The following ERBB4 variants were observed in gnomAD, a reference collection of about 807,000 sequenced individuals.
ERBB4 encodes the protein erb-b2 receptor tyrosine kinase 4, also known as receptor tyrosine-protein kinase erbB-4.
A neutral mutation model predicts 158.0 loss-of-function variants in ERBB4; 42 were observed. The observed-to-expected ratio is 0.27, with a 90% CI of 0.21 to 0.34. ERBB4 has a LOEUF of 0.34. ERBB4 is among the 10% of genes least tolerant of loss of function. ERBB4 has a pLI of 1.00. For synonymous variants in ERBB4, 583 were observed against 558.7 expected, an observed-to-expected ratio of 1.04 and a Z score of -0.61; for missense variants, 1,333 against 1,624.1, an observed-to-expected ratio of 0.82 and a Z score of 3.08.
At chr2:211,398,807 G>A (rs894526456) in intron 25 of ERBB4, among the ~76,000 whole-genome samples, 9 of 152,176 alleles carry the variant, frequency 5.9e-5, no homozygotes, top group African/African-American at 2.2e-4. Flanking sequence ...CTCCAGCCTG[G>A]GCGACAGAGT....
At chr2:211,839,494 A>G (rs535398361) in intron 3 of ERBB4, among the ~76,000 whole-genome samples, 2 of 152,122 alleles carry the variant, frequency 1.3e-5, no homozygotes, top group African/African-American at 4.8e-5. Flanking sequence ...ACAATTCTCA[A>G]CTAGGTTTTT....
intron 19 of ERBB4, among the ~76,000 whole-genome samples, chr2:211,611,689 A>C (rs1030927968): frequency 4.6e-5 from 7 of 152,236 alleles, no homozygotes; most frequent in African/African-American, 1.7e-4. Flanking sequence ...TCTCACTCTT[A>C]CTGAAACAGA....
At chr2:211,605,461 C>G (rs897349568) in intron 19 of ERBB4, among the ~76,000 whole-genome samples, 1 of 152,016 alleles carries the variant, frequency 6.6e-6, no homozygotes, top group Non-Finnish European at 1.5e-5. Flanking sequence ...GCAACATATG[C>G]CCTGCTGCAG....
At chr2:212,345,265 C>CAAAAAAAAAGAAAAAAAAAAAAAAA (rs2088936577) in intron 1 of ERBB4, among the ~76,000 whole-genome samples, 1 of 77,718 alleles carries the variant, frequency 1.3e-5, no homozygotes, top group African/African-American at 5.7e-5. Context: ...GACTCCGTCT[C>CAAAAAAAAAGAAAAAAAAAAAAAAA]AAAAAAAAAA....
chr2:211,725,778 C>G (rs944519214), intron 5 of ERBB4, among the ~76,000 whole-genome samples: 1 of 146,600 alleles, frequency 6.8e-6, no homozygotes, highest in Non-Finnish European at 1.5e-5. Flanking sequence ...AGAAAAGGGA[C>G]ACATAAATGT....
intron 1 of ERBB4, among the ~76,000 whole-genome samples, chr2:212,209,664 G>A (rs1404535204): frequency 2.6e-5 from 4 of 152,098 alleles, no homozygotes; most frequent in Non-Finnish European, 4.4e-5. Context: ...TACATTTGGA[G>A]ACAGGGTCCA....
At chr2:211,722,162 C>A (rs1411988461) in intron 7 of ERBB4, among the ~76,000 whole-genome samples, 3 of 152,016 alleles carry the variant, frequency 2.0e-5, no homozygotes, top group Non-Finnish European at 4.4e-5. Context: ...CGCCCAGCCA[C>A]AGTAGGAGTT....
chr2:211,424,079 G>T, intron 23 of ERBB4, 76 bp downstream of exon 23: 2 of 1,387,148 alleles, frequency 1.4e-6, no homozygotes, highest in Non-Finnish European at 2.1e-6. Flanking sequence ...ACAGAGAAAT[G>T]TTGTACAGAT....
intron 20 of ERBB4, among the ~76,000 whole-genome samples, chr2:211,467,714 C>G (rs1257108836): frequency 6.6e-6 from 1 of 152,128 alleles, no homozygotes; most frequent in Non-Finnish European, 1.5e-5. Context: ...AAGTGACAAA[C>G]AACAGCAGAG....
At chr2:212,404,052 T>C (rs1451821669) in intron 1 of ERBB4, among the ~76,000 whole-genome samples, 1 of 151,970 alleles carries the variant, frequency 6.6e-6, no homozygotes, top group Non-Finnish European at 1.5e-5. Flanking sequence ...CCATCATTTT[T>C]AAGTAACCCC....
intron 3 of ERBB4, among the ~76,000 whole-genome samples, chr2:211,896,905 C>G (rs1381786076): frequency 6.6e-6 from 1 of 151,914 alleles, no homozygotes; most frequent in Non-Finnish European, 1.5e-5. Context: ...GTCTTGTTAA[C>G]AAGAGAATAC....
intron 2 of ERBB4, among the ~76,000 whole-genome samples, chr2:212,003,389 G>A (rs1402714): frequency 1.3e-5 from 2 of 150,640 alleles, no homozygotes; most frequent in Non-Finnish European, 3.0e-5. Flanking sequence ...GCGTTTTTTC[G>A]TATAACTCAA....
At chr2:212,170,681 G>T (rs1437086667) in intron 1 of ERBB4, among the ~76,000 whole-genome samples, 1 of 152,140 alleles carries the variant, frequency 6.6e-6, no homozygotes, top group African/African-American at 2.4e-5. Context: ...GTTAAAAGGT[G>T]CCAATATACT....
intron 2 of ERBB4, among the ~76,000 whole-genome samples, chr2:211,992,107 G>T (rs1271658618): frequency 2.6e-5 from 4 of 151,954 alleles, no homozygotes; most frequent in Non-Finnish European, 1.5e-5. Context: ...ACATTTTCAG[G>T]TATCTTTTCA....
chr2:211,939,942 G>A (rs556408968), intron 3 of ERBB4, among the ~76,000 whole-genome samples: 64 of 135,622 alleles, frequency 4.7e-4, no homozygotes, highest in African/African-American at 1.6e-3. Context: ...GCAAGACTCC[G>A]TCTCAAAAAA....
At chr2:212,260,548 C>T (rs2084901323) in intron 1 of ERBB4, among the ~76,000 whole-genome samples, 1 of 152,184 alleles carries the variant, frequency 6.6e-6, no homozygotes, top group Non-Finnish European at 1.5e-5. Context: ...CGCAGTGGCT[C>T]ACGCCTGTAA....
chr2:212,146,944 G>C (rs188554977), intron 1 of ERBB4, among the ~76,000 whole-genome samples: 75 of 150,858 alleles, frequency 5.0e-4, no homozygotes, highest in Admixed American at 2.3e-3. Context: ...GAATATCTGG[G>C]GGAAAAAGTT....
At chr2:211,420,309 A>G (rs1214195628) in intron 25 of ERBB4, 132 bp downstream of exon 25, 1 of 687,172 alleles carries the variant, frequency 1.5e-6, no homozygotes, top group East Asian at 2.7e-5. Context: ...TTTTGTGGGT[A>G]TGGTATATTT....
chr2:212,420,774 A>C (rs956465419), intron 1 of ERBB4, among the ~76,000 whole-genome samples: 6 of 152,132 alleles, frequency 3.9e-5, no homozygotes, highest in Non-Finnish European at 8.8e-5. Flanking sequence ...ACATGCATCA[A>C]ACTTATCATT....
Sources: allele counts gnomAD v4.1 joint callset (sites outside exome capture counted in the v4.1 genomes callset), GRCh38; gene constraint gnomAD v4.1.1; transcripts MANE v1.5; gene names NCBI Gene and HGNC (gene_info 2026-07-23, HGNC 2026-07-21).